The following ARMC2 variants were observed in gnomAD, a reference collection of about 807,000 sequenced individuals.
ARMC2 encodes the protein armadillo repeat containing 2.
Under a neutral mutation model 90.3 loss-of-function variants are expected in ARMC2, and 67 were observed. The observed-to-expected ratio is 0.74, with a 90% CI of 0.61 to 0.91. The LOEUF is 0.91. ARMC2 is among the 40% of genes least tolerant of loss of function. The pLI is 0.00. For missense variants in ARMC2, 920 were observed against 1,030.9 expected (o/e 0.89, Z 1.47); for synonymous variants, 393 against 393.0 (o/e 1.00, Z 0.00).
chr6:108,896,107 A>T (rs1031701686), intron 6 of ARMC2, among the ~76,000 whole-genome samples: 7 of 152,182 alleles, frequency 4.6e-5, no homozygotes, highest in Non-Finnish European at 1.0e-4. Context: ...TACTCAGGAA[A>T]ATCTTAGATA....
chr6:108,912,211 C>A, intron 9 of ARMC2, 124 bp from the exon 10 acceptor site: 1 of 732,678 alleles, frequency 1.4e-6, no homozygotes, highest in Non-Finnish European at 2.1e-6. Context: ...TTAACAAGCA[C>A]TTGAATGTAG....
At chr6:109,007,716 G>A in the ARMC2 span, among the ~76,000 whole-genome samples, 1 of 147,894 alleles carries the variant, frequency 6.8e-6, no homozygotes, top group Non-Finnish European at 1.5e-5. Context: ...ATAGCAAAAT[G>A]TACTAACAAT....
At chr6:108,951,525 G>A (rs1049409482) in intron 12 of ARMC2, among the ~76,000 whole-genome samples, 10 of 152,316 alleles carry the variant, frequency 6.6e-5, no homozygotes, top group Middle Eastern at 3.4e-3. Flanking sequence ...TTGGCAAATG[G>A]TTTCCGGTTG....
chr6:109,045,640 C>T, the ARMC2 span, among the ~76,000 whole-genome samples: 2 of 152,166 alleles, frequency 1.3e-5, no homozygotes, highest in Non-Finnish European at 2.9e-5. Flanking sequence ...GCTTCAAGAG[C>T]CAGCTGAGGC....
chr6:108,994,436 AT>A, the ARMC2 span: 1 of 1,563,640 alleles, frequency 6.4e-7, no homozygotes, highest in Middle Eastern at 1.7e-4. Flanking sequence ...CAATAATTAT[AT>A]TGACTATATA....
At chr6:108,871,603 T>G (rs938476014) in intron 4 of ARMC2, among the ~76,000 whole-genome samples, 5 of 152,272 alleles carry the variant, frequency 3.3e-5, no homozygotes, top group Admixed American at 6.5e-5. Context: ...TATTTTTAAC[T>G]TTTGGGAGTG....
the ARMC2 span, among the ~76,000 whole-genome samples, chr6:108,990,242 G>A: frequency 8.5e-5 from 13 of 152,330 alleles, no homozygotes; most frequent in South Asian, 2.7e-3. Context: ...TCCTCAGAAG[G>A]AGCCTAAGAA....
downstream of ARMC2, among the ~76,000 whole-genome samples, chr6:108,974,872 C>T (rs148452077): frequency 9.7e-3 from 1,477 of 152,118 alleles, 30 homozygotes; most frequent in African/African-American, 0.034. Flanking sequence ...GTCGTGAGTT[C>T]GAGACCAGTT....
chr6:108,950,201 GTC>G (rs1777080784), intron 12 of ARMC2, among the ~76,000 whole-genome samples: 1 of 152,000 alleles, frequency 6.6e-6, no homozygotes, highest in Non-Finnish European at 1.5e-5. Flanking sequence ...GCAATACTCT[GTC>G]TCAAAAACAA....
At chr6:109,017,824 C>T in the ARMC2 span, among the ~76,000 whole-genome samples, 1 of 152,142 alleles carries the variant, frequency 6.6e-6, no homozygotes, top group African/African-American at 2.4e-5. Flanking sequence ...GGCAATTGAA[C>T]TTAATGATCT....
At position 108,956,683 on chromosome 6, in the gene ARMC2, A is replaced by G. The variant is rs143867941; in HGVS notation, c.1915+3332A>G. On this transcript the variant is annotated intron_variant, in intron 13 of 17. Coordinates refer to ENST00000392644, the MANE Select transcript of ARMC2 (RefSeq NM_032131.6). ...ACCACTGCACTCTGGCCTGGGCAACAGAGTGAGACCCTGTCTCCAAGAAAA... is the reference window on the plus strand; with the variant it reads ...ACCACTGCACTCTGGCCTGGGCAACGGAGTGAGACCCTGTCTCCAAGAAAA... 2.1e-3 allele frequency among the ~76,000 whole-genome samples: 323 copies of G among 152,188 alleles called. 2 individuals are homozygous for G. The highest frequency in any genetic ancestry group is 7.0e-3 in the African/African-American group (292 of 41,506).
chr6:108,990,651 C>G, the ARMC2 span: 1 of 1,613,758 alleles, frequency 6.2e-7, no homozygotes, highest in Non-Finnish European at 8.5e-7. Context: ...TAACCTTATT[C>G]CAAACATGCA....
rs968938821 is a variant in ARMC2 at position 108,974,460 on chromosome 6, A to G, written c.*946A>G. The G allele has an allele frequency of 3.3e-5, 5 of 152,234 alleles. No homozygotes were observed. Among genetic ancestry groups the G allele is most frequent in the African/African-American group, 9.6e-5 (4 of 41,472 alleles). The allele number at this position is 152,234 out of a possible 1,614,324, so 9.4% of individuals were successfully genotyped here. On this transcript the variant is annotated 3_prime_UTR_variant, in exon 18 of 18. Coordinates refer to ENST00000392644, the MANE Select transcript of ARMC2 (RefSeq NM_032131.6). Reference sequence around the variant, plus strand: ...TAGGATGAGTTTGGCCTTTGAATAAATGATTAAAGAGCAAAAGATTGAGAT... The same window carrying G: ...TAGGATGAGTTTGGCCTTTGAATAAGTGATTAAAGAGCAAAAGATTGAGAT...
chr6:108,912,539 C>A lies in ARMC2; in HGVS notation c.1331C>A (p.Ser444Ter). ...IKKCGTFLPN[S>*]GHLLVQVTAT... Reference sequence around the variant, plus strand: ...AAATGTGGTACATTTTTGCCTAATTCGGGCCACTTGCTAGTCCAGGTAAGT... The same window carrying A: ...AAATGTGGTACATTTTTGCCTAATTAGGGCCACTTGCTAGTCCAGGTAAGT... Residue 444 changes from serine (S) to a stop codon, truncating the protein, a stop_gained, in exon 10 of 18, where the codon TCG becomes TAG. Coordinates refer to ENST00000392644, the MANE Select transcript of ARMC2 (RefSeq NM_032131.6). LOFTEE classifies it high-confidence loss of function. 1 of 1,613,310 alleles carries A rather than the reference C, an allele frequency of 6.2e-7. No homozygotes were observed. The highest frequency in any genetic ancestry group is 1.1e-5 in the South Asian group (1 of 90,982).
At chr6:108,866,762 G>A (rs186162620) in intron 3 of ARMC2, among the ~76,000 whole-genome samples, 1 of 151,804 alleles carries the variant, frequency 6.6e-6, no homozygotes, top group African/African-American at 2.4e-5. Flanking sequence ...TTTATTTACT[G>A]TTTTTTTCTA....
chr6:108,865,129 T>C (rs1021747773), intron 3 of ARMC2, among the ~76,000 whole-genome samples: 2 of 151,692 alleles, frequency 1.3e-5, no homozygotes, highest in Non-Finnish European at 2.9e-5. Context: ...ACTACAGGCA[T>C]GCACAACCAT....
chr6:109,050,355 A>G, the ARMC2 span, among the ~76,000 whole-genome samples: 1 of 151,928 alleles, frequency 6.6e-6, no homozygotes, highest in Non-Finnish European at 1.5e-5. Context: ...TCCAGCCTAG[A>G]AAAGACACAC....
chr6:109,001,626 C>T, the ARMC2 span: 1 of 723,036 alleles, frequency 1.4e-6, no homozygotes, highest in Non-Finnish European at 2.3e-6. Context: ...CAAATTTAAA[C>T]TCAACTGGTT....
intron 5 of ARMC2, among the ~76,000 whole-genome samples, chr6:108,893,515 A>G (rs1006484821): frequency 1.3e-5 from 2 of 152,304 alleles, no homozygotes; most frequent in Admixed American, 6.5e-5. Context: ...CAGCTCCCAA[A>G]GGCTAAGCTT....
Sources: allele counts gnomAD v4.1 joint callset (sites outside exome capture counted in the v4.1 genomes callset), GRCh38; gene constraint gnomAD v4.1.1; transcripts MANE v1.5; gene names NCBI Gene and HGNC (gene_info 2026-07-23, HGNC 2026-07-21).